Variants in ZC2HC1A observed in about 807,000 individuals in gnomAD.
ZC2HC1A encodes zinc finger C2HC-type containing 1A, also known as zinc finger C2HC domain-containing protein 1A.
In ZC2HC1A, 28 loss-of-function variants were observed where a neutral mutation model predicts 40.7. The observed-to-expected ratio is 0.69, with a 90% confidence interval of 0.51 to 0.94. The LOEUF (loss-of-function observed/expected upper bound fraction) is 0.94, where lower values mean the gene tolerates loss of function less well. ZC2HC1A is among the 40% of genes least tolerant of loss of function. ZC2HC1A has a pLI of 0.00. For synonymous variants in ZC2HC1A, 129 were observed against 129.2 expected (o/e 1.00, Z 0.01); for missense variants, 389 against 386.3 (o/e 1.01, Z -0.06).
chr8:78,672,721 G>A (rs1431399230), intron 1 of ZC2HC1A, among the ~76,000 whole-genome samples: 1 of 151,976 alleles, frequency 6.6e-6, no homozygotes, highest in South Asian at 2.1e-4. Context: ...TGACTTTTCT[G>A]TGTTTATTCT....
At chr8:78,697,374 A>T (rs754396802) in intron 5 of ZC2HC1A, 33 bp from the exon 6 acceptor site, 2 of 1,495,784 alleles carry the variant, frequency 1.3e-6, no homozygotes, top group African/African-American at 1.4e-5. Flanking sequence ...TCAAAAAGTG[A>T]TGTTGATTAA....
At chr8:78,711,895 A>T in intron 7 of ZC2HC1A, 1 of 646,666 alleles carries the variant, frequency 1.5e-6, no homozygotes, top group Admixed American at 2.7e-5. Flanking sequence ...TGGGGAGTAG[A>T]TATCTGATGA....
Position 78,717,043 on chromosome 8 carries a change from C to G in ZC2HC1A, c.813-285C>G, listed in dbSNP as rs189626512. 2.7e-3 allele frequency among the ~76,000 whole-genome samples: 408 copies of G among 152,198 alleles called. 3 individuals are homozygous for G. Among genetic ancestry groups the G allele is most frequent in the African/African-American group, 9.2e-3 (381 of 41,540 alleles). On this transcript the variant is annotated intron_variant, in intron 8 of 8. Transcript: ENST00000263849. ...AAACCTCTTTTCTTTATAAATTACCCAGTCTCAGGTAGTTCTTTATAGCAA... is the reference window on the plus strand; with the variant it reads ...AAACCTCTTTTCTTTATAAATTACCGAGTCTCAGGTAGTTCTTTATAGCAA...
At chr8:78,706,333 G>T (rs886591011) in intron 7 of ZC2HC1A, among the ~76,000 whole-genome samples, 5 of 152,130 alleles carry the variant, frequency 3.3e-5, no homozygotes, top group African/African-American at 9.7e-5. Context: ...ATCCTGCTTT[G>T]CTGGAGTTGC....
At chr8:78,708,562 T>TA (rs549929700) in intron 7 of ZC2HC1A, among the ~76,000 whole-genome samples, 34 of 151,506 alleles carry the variant, frequency 2.2e-4, no homozygotes, top group Non-Finnish European at 4.6e-4. Context: ...TTTTTAAATG[T>TA]AAAAAAAAGC....
At chr8:78,688,285 G>C (rs1216339851) in intron 4 of ZC2HC1A, among the ~76,000 whole-genome samples, 1 of 152,036 alleles carries the variant, frequency 6.6e-6, no homozygotes, top group Non-Finnish European at 1.5e-5. Context: ...ATAAGAGAGT[G>C]AGAGGGTACC....
At chr8:78,716,039 CAAAA>C (rs753499894) in intron 8 of ZC2HC1A, among the ~76,000 whole-genome samples, 8 of 57,048 alleles carry the variant, frequency 1.4e-4, no homozygotes, top group Non-Finnish European at 2.4e-4. Context: ...GACTCCATCT[CAAAA>C]AAAAAAAAAA....
At chr8:78,673,570 A>G (rs1444756873) in intron 1 of ZC2HC1A, among the ~76,000 whole-genome samples, 1 of 152,158 alleles carries the variant, frequency 6.6e-6, no homozygotes, top group Non-Finnish European at 1.5e-5. Flanking sequence ...CATCCTCTCC[A>G]ACATCTGTTG....
chr8:78,687,901 ATATT>A (rs1810072150), intron 4 of ZC2HC1A, among the ~76,000 whole-genome samples: 1 of 58,596 alleles, frequency 1.7e-5, no homozygotes, highest in Non-Finnish European at 4.3e-5. Context: ...TAAATTATAT[ATATT>A]TATATAAATA....
intron 8 of ZC2HC1A, among the ~76,000 whole-genome samples, chr8:78,716,551 C>T (rs905816203): frequency 1.3e-5 from 2 of 152,092 alleles, no homozygotes; most frequent in African/African-American, 4.8e-5. Context: ...GAAGCATCAC[C>T]TCACAATCCT....
intron 7 of ZC2HC1A, among the ~76,000 whole-genome samples, chr8:78,700,993 A>G (rs1006544337): frequency 1.3e-5 from 2 of 152,138 alleles, no homozygotes; most frequent in African/African-American, 4.8e-5. Flanking sequence ...TTTATTCTAT[A>G]TTAATGTTGA....
At chr8:78,702,503 G>T (rs959979874) in intron 7 of ZC2HC1A, among the ~76,000 whole-genome samples, 1 of 152,052 alleles carries the variant, frequency 6.6e-6, no homozygotes, top group Non-Finnish European at 1.5e-5. Flanking sequence ...TCTTCTGCTA[G>T]CTTTGGGATT....
intron 8 of ZC2HC1A, among the ~76,000 whole-genome samples, chr8:78,716,005 A>G (rs749212296): frequency 5.0e-5 from 7 of 138,928 alleles, no homozygotes; most frequent in African/African-American, 1.9e-4. Context: ...GGGCCACTGC[A>G]CTCCAGCCTC....
intron 7 of ZC2HC1A, among the ~76,000 whole-genome samples, chr8:78,700,780 T>A (rs1810577746): frequency 6.6e-6 from 1 of 152,216 alleles, no homozygotes. Flanking sequence ...CCATTGCTTA[T>A]TTTTGTCAGG....
At chr8:78,667,786 A>G (rs908537385) in intron 1 of ZC2HC1A, among the ~76,000 whole-genome samples, 3 of 152,162 alleles carry the variant, frequency 2.0e-5, no homozygotes, top group Non-Finnish European at 4.4e-5. Flanking sequence ...AGATATTACT[A>G]TTGAAACCTT....
In ZC2HC1A at chr8:78,716,274, C is replaced by T. The variant is rs1407076171; in HGVS notation, c.812+946C>T. 2.0e-5 allele frequency among the ~76,000 whole-genome samples: 3 copies of T among 151,506 alleles called. No individual in the cohort carries two copies. In the East Asian group the frequency reaches 6.0e-4, roughly 30 times the overall value. On this transcript the variant is annotated intron_variant, in intron 8 of 8. Coordinates refer to ENST00000263849, the MANE Select transcript of ZC2HC1A (RefSeq NM_016010.3). The stretch of plus-strand genomic sequence containing the variant: ...AGTAGCTGGGACTACAGGCGCCCGC[C>T]ACCACGCCTGGCTAATTTTTTTGTA...
In ZC2HC1A at chr8:78,689,357, C is replaced by T. The variant is rs200110247; in HGVS notation, c.488C>T (p.Thr163Ile). ...KFSTDTKGKP[T>I]SRTQVYKPPA... ...TCTACAGATACCAAAGGAAAACCAA[C>T]TTCTCGGACACAGGTGGTAAGTTCA... Residue 163 changes from threonine to isoleucine, a missense_variant, in exon 5 of 9, where the codon ACT (threonine) becomes ATT (isoleucine). Physicochemically the swap from Thr to Ile is moderately conservative, Grantham distance 89 (BLOSUM62 -1). Transcript: ENST00000263849. 45 of 1,591,826 alleles carry T rather than the reference C, an allele frequency of 2.8e-5. No individual in the cohort carries two copies. The highest frequency in any genetic ancestry group is 3.8e-5 in the Non-Finnish European group (44 of 1,170,382).
chr8:78,697,884 T>C (rs1197339479), intron 6 of ZC2HC1A, among the ~76,000 whole-genome samples: 1 of 152,116 alleles, frequency 6.6e-6, no homozygotes, highest in Admixed American at 6.5e-5. Context: ...TTCACCAAGT[T>C]AGCCAGGATA....
chr8:78,691,329 C>G (rs1020869035), intron 5 of ZC2HC1A, among the ~76,000 whole-genome samples: 1 of 152,066 alleles, frequency 6.6e-6, no homozygotes, highest in African/African-American at 2.4e-5. Context: ...ACATCTTCCC[C>G]ATTTATTGGC....
Sources: gnomAD v4.1 joint callset for allele counts (sites outside exome capture counted in the v4.1 genomes callset) on GRCh38, gnomAD v4.1.1 for gene constraint, MANE v1.5 for transcripts, NCBI Gene and HGNC (gene_info 2026-07-23, HGNC 2026-07-21) for gene names.